AUTS2: variants seen among roughly 807,000 people sequenced by gnomAD.
AUTS2 encodes autism susceptibility gene 2 protein.
In AUTS2, 17 loss-of-function variants were observed where a neutral mutation model predicts 112.4. That is an observed-to-expected ratio of 0.15 (90% CI 0.10 to 0.23). AUTS2 has a LOEUF of 0.23. Ranked by LOEUF, AUTS2 falls within the 10% of genes least tolerant of loss-of-function variation. AUTS2 has a pLI of 1.00. For missense variants in AUTS2, 1,510 were observed against 1,701.6 expected (o/e 0.89, Z 1.98); for synonymous variants, 751 against 702.7 (o/e 1.07, Z -1.09).
Position 69,927,430 on chromosome 7 carries a change from T to C in AUTS2, c.522+27932T>C, listed in dbSNP as rs761202459. Among the ~76,000 whole-genome samples the C allele has an allele frequency of 4.6e-5, 7 of 152,216 alleles. No homozygotes were observed. In the South Asian group the frequency reaches 6.2e-4, roughly 14 times the overall value. ...AACAGTGAATTATCTTTTAAGGATA[T>C]TTTAAATAATTAAAAAAAAAATCTT... On this transcript the variant is annotated intron_variant, in intron 2 of 18. Coordinates refer to ENST00000342771, the MANE Select transcript of AUTS2 (RefSeq NM_015570.4).
chr7:70,406,617 C>T (rs1239719356), intron 4 of AUTS2, among the ~76,000 whole-genome samples: 6 of 152,322 alleles, frequency 3.9e-5, no homozygotes, highest in East Asian at 1.9e-4. Context: ...GCTGGGCTCA[C>T]GTGGGTGTAT....
intron 6 of AUTS2, among the ~76,000 whole-genome samples, chr7:70,725,100 A>G (rs1233654805): frequency 6.6e-6 from 1 of 152,206 alleles, no homozygotes; most frequent in Admixed American, 6.5e-5. Context: ...TGCTTAAACA[A>G]TGATTTACAG....
chr7:69,861,694 G>T (rs1009601870), intron 1 of AUTS2, among the ~76,000 whole-genome samples: 1 of 152,166 alleles, frequency 6.6e-6, no homozygotes, highest in African/African-American at 2.4e-5. Flanking sequence ...ACCTCATCTG[G>T]AGTGGAATGT....
chr7:69,814,839 G>T (rs1790689702), intron 1 of AUTS2, among the ~76,000 whole-genome samples: 1 of 152,218 alleles, frequency 6.6e-6, no homozygotes, highest in African/African-American at 2.4e-5. Context: ...GGTTTGCCAA[G>T]AATGCTCCGC....
intron 1 of AUTS2, among the ~76,000 whole-genome samples, chr7:69,870,609 A>G (rs62458775): frequency 0.034 from 5,118 of 151,530 alleles, 163 homozygotes; most frequent in Admixed American, 0.097. Flanking sequence ...ATCCTTGGCC[A>G]GAGATGCTTA....
At chr7:70,001,425 A>C (rs1799186548) in intron 2 of AUTS2, among the ~76,000 whole-genome samples, 1 of 151,902 alleles carries the variant, frequency 6.6e-6, no homozygotes, top group Admixed American at 6.6e-5. Flanking sequence ...CACACGGCCA[A>C]GTTTTTTTCT....
chr7:70,230,958 T>G (rs1382277926), intron 4 of AUTS2, among the ~76,000 whole-genome samples: 1 of 152,236 alleles, frequency 6.6e-6, no homozygotes, highest in East Asian at 1.9e-4. Context: ...CACTTCTGCA[T>G]CAGGAAGCAG....
chr7:70,025,343 C>A (rs1250593171), intron 2 of AUTS2, among the ~76,000 whole-genome samples: 1 of 151,988 alleles, frequency 6.6e-6, no homozygotes, highest in Non-Finnish European at 1.5e-5. Flanking sequence ...GATATACTCT[C>A]TTCTGTATCT....
intron 8 of AUTS2, among the ~76,000 whole-genome samples, chr7:70,765,713 TA>T (rs1454861173): frequency 6.6e-6 from 1 of 152,214 alleles, no homozygotes; most frequent in Admixed American, 6.5e-5. Context: ...CAAATTGCTT[TA>T]ACCCTCAAAA....
At chr7:70,373,511 G>A (rs893682601) in intron 4 of AUTS2, among the ~76,000 whole-genome samples, 2 of 152,064 alleles carry the variant, frequency 1.3e-5, no homozygotes, top group South Asian at 4.2e-4. Context: ...AAATGCAGGG[G>A]TAGGCATTTT....
At chr7:70,118,549 C>T (rs1805509668) in intron 3 of AUTS2, 1 of 178,438 alleles carries the variant, frequency 5.6e-6, no homozygotes, top group Non-Finnish European at 1.2e-5. Flanking sequence ...GAGGCTAAAG[C>T]AGGTGGATCA....
chr7:70,009,308 T>C (rs956323997), intron 2 of AUTS2, among the ~76,000 whole-genome samples: 1 of 152,186 alleles, frequency 6.6e-6, no homozygotes, highest in African/African-American at 2.4e-5. Flanking sequence ...TTGGCCCTAC[T>C]TCCCAATAGT....
At chr7:69,688,113 A>G (rs1797144421) in intron 1 of AUTS2, among the ~76,000 whole-genome samples, 1 of 152,232 alleles carries the variant, frequency 6.6e-6, no homozygotes, top group African/African-American at 2.4e-5. Flanking sequence ...AATTTATGAA[A>G]CTTATGTTTA....
At chr7:70,145,800 C>G (rs1807094924) in intron 4 of AUTS2, among the ~76,000 whole-genome samples, 1 of 152,084 alleles carries the variant, frequency 6.6e-6, no homozygotes, top group South Asian at 2.1e-4. Context: ...ATTCTGTTTT[C>G]TTTAATTTTC....
chr7:70,429,876 G>C (rs1319141303), intron 4 of AUTS2, among the ~76,000 whole-genome samples: 1 of 152,150 alleles, frequency 6.6e-6, no homozygotes. Context: ...AGCTTAAGAA[G>C]CATTGTGTTG....
At chr7:70,453,176 G>C (rs936024676) in intron 5 of AUTS2, among the ~76,000 whole-genome samples, 1 of 152,182 alleles carries the variant, frequency 6.6e-6, no homozygotes, top group Non-Finnish European at 1.5e-5. Context: ...GCCTGCCAGT[G>C]TGCCCCTCAA....
intron 5 of AUTS2, among the ~76,000 whole-genome samples, chr7:70,641,495 T>TG (rs1182320894): frequency 6.6e-6 from 1 of 152,096 alleles, no homozygotes; most frequent in Admixed American, 6.5e-5. Context: ...GAGCTTGCAG[T>TG]GAGCGGAGAT....
At chr7:70,751,268 G>A (rs1788826343) in intron 6 of AUTS2, among the ~76,000 whole-genome samples, 1 of 152,190 alleles carries the variant, frequency 6.6e-6, no homozygotes, top group Non-Finnish European at 1.5e-5. Flanking sequence ...AGGAAGGAAG[G>A]TGTCAGATCT....
chr7:70,251,942 C>A (rs1046583047), intron 4 of AUTS2, among the ~76,000 whole-genome samples: 19 of 151,956 alleles, frequency 1.3e-4, no homozygotes, highest in African/African-American at 3.6e-4. Context: ...TTTTCTCTCT[C>A]GGATATATTT....
Sources: allele counts gnomAD v4.1 joint callset (sites outside exome capture counted in the v4.1 genomes callset), GRCh38; gene constraint gnomAD v4.1.1; transcripts MANE v1.5; gene names NCBI Gene and HGNC (gene_info 2026-07-23, HGNC 2026-07-21).